The following PDE8B variants were observed in gnomAD, a reference collection of about 807,000 sequenced individuals.
The protein encoded by PDE8B is high affinity cAMP-specific and IBMX-insensitive 3',5'-cyclic phosphodiesterase 8B.
PDE8B carries 26 observed loss-of-function variants against 101.3 expected under a neutral mutation model. That is an observed-to-expected ratio of 0.26 (90% CI 0.19 to 0.36). The LOEUF (loss-of-function observed/expected upper bound fraction) is 0.36, where lower values mean the gene tolerates loss of function less well. Ranked by LOEUF, PDE8B falls within the 10% of genes least tolerant of loss-of-function variation. The pLI is 1.00. For missense variants in PDE8B, 810 were observed against 1,163.1 expected (o/e 0.70, Z 4.42); for synonymous variants, 424 against 429.3 (o/e 0.99, Z 0.15).
At chr5:77,111,752 C>T in the PDE8B span, among the ~76,000 whole-genome samples, 117,657 of 152,148 alleles carry the variant, frequency 0.77, 46,209 homozygotes, top group African/African-American at 0.92. Context: ...TGGTGAAAGG[C>T]TTTTAAGTGT....
intron 20 of PDE8B, among the ~76,000 whole-genome samples, chr5:77,424,295 G>GT (rs1297335150): frequency 1.1e-4 from 17 of 152,176 alleles, no homozygotes; most frequent in Admixed American, 6.5e-5. Flanking sequence ...GTGCTTTTAA[G>GT]TTTTTTGATA....
chr5:77,355,181 A>G (rs1781853437), intron 10 of PDE8B, among the ~76,000 whole-genome samples: 1 of 152,130 alleles, frequency 6.6e-6, no homozygotes. Context: ...GTGGGGGGCC[A>G]CCTGCTTTTT....
intron 8 of PDE8B, 60 bp from the exon 9 acceptor site, chr5:77,351,005 C>T: frequency 1.6e-6 from 2 of 1,214,830 alleles, no homozygotes; most frequent in Non-Finnish European, 2.4e-6. Flanking sequence ...CTGAGACCCT[C>T]TGCAGGAGCA....
chr5:77,125,721 A>G, the PDE8B span, among the ~76,000 whole-genome samples: 2 of 152,212 alleles, frequency 1.3e-5, no homozygotes, highest in African/African-American at 4.8e-5. Flanking sequence ...AAAATATTGT[A>G]TGATTCCATT....
At chr5:77,142,302 TA>T in the PDE8B span, 52 of 152,220 alleles carry the variant, frequency 3.4e-4, no homozygotes, top group African/African-American at 1.1e-3. Context: ...TTCTCTTTTT[TA>T]CAACTTTATT....
At chr5:77,240,228 A>C (rs181116927) in intron 1 of PDE8B, among the ~76,000 whole-genome samples, 2 of 152,280 alleles carry the variant, frequency 1.3e-5, no homozygotes, top group East Asian at 3.9e-4. Flanking sequence ...ATCCCGGCTC[A>C]CTGCAAGCTC....
At chr5:77,295,976 C>A (rs1237646392) in intron 1 of PDE8B, among the ~76,000 whole-genome samples, 1 of 152,162 alleles carries the variant, frequency 6.6e-6, no homozygotes, top group African/African-American at 2.4e-5. Context: ...TTTTTCCCAG[C>A]ATTGCTAGCA....
At chr5:77,398,079 C>T (rs1318173529) in intron 10 of PDE8B, among the ~76,000 whole-genome samples, 2 of 148,578 alleles carry the variant, frequency 1.3e-5, no homozygotes, top group African/African-American at 4.9e-5. Flanking sequence ...CAAGGGATCC[C>T]AGGCTGTTGG....
chr5:77,425,110 C>T (rs1330987480), intron 20 of PDE8B, among the ~76,000 whole-genome samples: 1 of 152,200 alleles, frequency 6.6e-6, no homozygotes, highest in Non-Finnish European at 1.5e-5. Flanking sequence ...CCCACTATTG[C>T]TTCTTCTCAG....
chr5:77,260,668 A>G (rs1038053501), intron 1 of PDE8B, among the ~76,000 whole-genome samples: 1 of 145,536 alleles, frequency 6.9e-6, no homozygotes, highest in African/African-American at 2.6e-5. Context: ...GCTCATTGCA[A>G]CCTCTGCCTC....
the PDE8B span, chr5:77,112,316 A>T: frequency 6.6e-6 from 1 of 152,204 alleles, no homozygotes. Flanking sequence ...TGAAAGACAA[A>T]ATATCGTAGC....
chr5:77,227,344 C>T (rs1392937206), intron 1 of PDE8B, among the ~76,000 whole-genome samples: 1 of 152,102 alleles, frequency 6.6e-6, no homozygotes, highest in Admixed American at 6.5e-5. Flanking sequence ...ACTAGCAATG[C>T]TCAAGGAGTT....
At chr5:77,256,008 G>T (rs1759086818) in intron 1 of PDE8B, among the ~76,000 whole-genome samples, 1 of 152,166 alleles carries the variant, frequency 6.6e-6, no homozygotes, top group Non-Finnish European at 1.5e-5. Flanking sequence ...GTTTTGGGTG[G>T]TTTTATTTGC....
At chr5:77,267,262 A>T (rs1232143769) in intron 1 of PDE8B, among the ~76,000 whole-genome samples, 5 of 151,716 alleles carry the variant, frequency 3.3e-5, no homozygotes, top group Non-Finnish European at 5.9e-5. Context: ...AGGCGGGGAA[A>T]CCCCATCTCT....
At chr5:77,365,902 C>T (rs1784039562) in intron 10 of PDE8B, among the ~76,000 whole-genome samples, 1 of 152,218 alleles carries the variant, frequency 6.6e-6, no homozygotes, top group South Asian at 2.1e-4. Context: ...AGCCCTCTTC[C>T]TGGAACTGGC....
At chr5:77,400,907 T>A (rs1041394635) in intron 11 of PDE8B, among the ~76,000 whole-genome samples, 2 of 152,292 alleles carry the variant, frequency 1.3e-5, no homozygotes, top group East Asian at 3.9e-4. Flanking sequence ...GAAGTTAAGA[T>A]TTTTGTGCCT....
chr5:77,382,128 C>T (rs527855042), intron 10 of PDE8B, among the ~76,000 whole-genome samples: 7 of 152,294 alleles, frequency 4.6e-5, no homozygotes, highest in Admixed American at 2.6e-4. Flanking sequence ...AAATCTTTAA[C>T]CATATAGAGT....
chr5:77,228,631 C>G (rs1752931344), intron 1 of PDE8B, among the ~76,000 whole-genome samples: 1 of 152,030 alleles, frequency 6.6e-6, no homozygotes, highest in South Asian at 2.1e-4. Context: ...TGAGGACCAC[C>G]ATCCAAGTAG....
chr5:77,358,848 A>C (rs907772074), intron 10 of PDE8B, among the ~76,000 whole-genome samples: 3 of 152,256 alleles, frequency 2.0e-5, no homozygotes, highest in African/African-American at 7.2e-5. Flanking sequence ...ACTATGATAC[A>C]GACTTTGTAC....
Sources: allele counts gnomAD v4.1 joint callset (sites outside exome capture counted in the v4.1 genomes callset), GRCh38; gene constraint gnomAD v4.1.1; transcripts MANE v1.5; gene names NCBI Gene and HGNC (gene_info 2026-07-23, HGNC 2026-07-21).